The following WDR83 variants were observed in gnomAD, a reference collection of about 807,000 sequenced individuals.
The protein encoded by WDR83 is WD repeat domain 83, also known as WD repeat domain-containing protein 83.
A neutral mutation model predicts 37.7 loss-of-function variants in WDR83; 37 were observed. That is an observed-to-expected ratio of 0.98 (90% CI 0.76 to 1.29). The LOEUF (loss-of-function observed/expected upper bound fraction) is 1.29, where lower values mean the gene tolerates loss of function less well. Among genes scored for constraint, WDR83 ranks in the 50% most tolerant of loss-of-function variants. The probability of loss-of-function intolerance (pLI) is 0.00; values close to 1 mark genes in which losing one functional copy is unlikely to be tolerated. For missense variants in WDR83, 445 were observed against 414.4 expected, an observed-to-expected ratio of 1.07 and a Z score of -0.64; for synonymous variants, 174 against 181.1, an observed-to-expected ratio of 0.96 and a Z score of 0.31.
At position 12,671,156 on chromosome 19, in the gene WDR83, C is replaced by T. The variant is rs561018601; in HGVS notation, c.506+335C>T. The T allele has an allele frequency of 6.1e-5, 14 of 228,284 alleles. No homozygotes were observed. In the East Asian group the frequency reaches 1.4e-3, roughly 23 times the overall value. 14.1% of individuals were successfully genotyped at this position (228,284 alleles called of 1,614,324 possible). On this transcript the variant is annotated intron_variant, in intron 7 of 10. Coordinates refer to ENST00000418543, the MANE Select transcript of WDR83 (RefSeq NM_001099737.3). ...CAGCCTGGCCAACATGGTGAAACCCCGTCTCTACTAAAAATGCAAAAATTA... is the reference window on the plus strand; with the variant it reads ...CAGCCTGGCCAACATGGTGAAACCCTGTCTCTACTAAAAATGCAAAAATTA...
chr19:12,675,473 C>T, intron 10 of WDR83, 50 bp from the exon 11 acceptor site: 3 of 1,578,686 alleles, frequency 1.9e-6, no homozygotes, highest in Admixed American at 1.7e-5. Flanking sequence ...CCTCAGAAAC[C>T]AGGGTACAGC....
intron 7 of WDR83, among the ~76,000 whole-genome samples, chr19:12,672,038 C>A (rs2024436555): frequency 6.6e-6 from 1 of 152,016 alleles, no homozygotes; most frequent in Non-Finnish European, 1.5e-5. Context: ...GTGAAGAGAT[C>A]GTCATAAAGA....
intron 1 of WDR83, 30 bp downstream of exon 1, chr19:12,667,022 G>T (rs1384441026): frequency 4.5e-6 from 2 of 440,078 alleles, no homozygotes; most frequent in Admixed American, 7.9e-5. Context: ...TCCTAAGGGG[G>T]CCGGGTTTTC....
chr19:12,673,408 ATCTTTTT>A, intron 10 of WDR83, 92 bp downstream of exon 10: 2 of 266,036 alleles, frequency 7.5e-6, no homozygotes. Context: ...GAAGGCTAGG[ATCTTTTT>A]TTTTTTTTTT....
intron 7 of WDR83, chr19:12,671,334 A>C (rs990000777): frequency 6.5e-6 from 1 of 153,886 alleles, no homozygotes; most frequent in East Asian, 1.9e-4. Flanking sequence ...TCTCAAAAAA[A>C]AAAAGATAAA....
At chr19:12,674,683 C>T (rs2024517872) in intron 10 of WDR83, among the ~76,000 whole-genome samples, 1 of 152,058 alleles carries the variant, frequency 6.6e-6, no homozygotes, top group South Asian at 2.1e-4. Flanking sequence ...CAGGATGGAG[C>T]CCAGCTGGTG....
At chr19:12,673,816 C>T (rs909808204) in intron 10 of WDR83, among the ~76,000 whole-genome samples, 13 of 152,156 alleles carry the variant, frequency 8.5e-5, no homozygotes, top group Admixed American at 5.2e-4. Context: ...TCTCATGTCT[C>T]AGCCTCCTGA....
At chr19:12,669,407 G>C (rs756200145) in intron 2 of WDR83, 5 of 1,594,020 alleles carry the variant, frequency 3.1e-6, no homozygotes, top group Admixed American at 1.8e-5. Context: ...TGGACATAGC[G>C]AGTCGAAGGC....
intron 7 of WDR83, 180 bp downstream of exon 7, chr19:12,671,001 C>G: frequency 1.1e-6 from 1 of 875,186 alleles, no homozygotes; most frequent in South Asian, 1.7e-5. Context: ...CCATTGCACT[C>G]CATGCTGGGT....
Position 12,673,401 on chromosome 19 carries a change from G to A in WDR83, c.798+85G>A. The A allele has an allele frequency of 6.9e-6, 4 of 577,856 alleles. No homozygotes were observed. In the South Asian group the frequency reaches 7.6e-5, roughly 11 times the overall value. 35.8% of individuals were successfully genotyped at this position (577,856 alleles called of 1,614,324 possible). ...TACCTCAGTCACTCCAGGGCCTGAA[G>A]GCTAGGATCTTTTTTTTTTTTTTTT... is the stretch of plus-strand genomic sequence containing the variant. On this transcript the variant is annotated intron_variant, in intron 10 of 10. Transcript: ENST00000418543.
chr19:12,674,943 A>G (rs1599375255), intron 10 of WDR83, among the ~76,000 whole-genome samples: 1 of 151,802 alleles, frequency 6.6e-6, no homozygotes, highest in East Asian at 1.9e-4. Flanking sequence ...GTGAAACCCC[A>G]TCTGTACTAA....
intron 7 of WDR83, chr19:12,672,618 G>T: frequency 1.8e-6 from 1 of 564,954 alleles, no homozygotes; most frequent in African/African-American, 1.9e-5. Flanking sequence ...CAAACAAAAG[G>T]AAGAAAAGGG....
At chr19:12,675,019 C>T (rs909713390) in intron 10 of WDR83, among the ~76,000 whole-genome samples, 1 of 151,996 alleles carries the variant, frequency 6.6e-6, no homozygotes, top group African/African-American at 2.4e-5. Flanking sequence ...GAGGCTGAGG[C>T]AGGAGAATCG....
At chr19:12,669,374 C>T in intron 2 of WDR83, 2 of 1,601,992 alleles carry the variant, frequency 1.2e-6, no homozygotes, top group Non-Finnish European at 8.5e-7. Flanking sequence ...TGTTCGGCCT[C>T]CGTGGGTCCG....
chr19:12,669,188 C>T, intron 2 of WDR83: 1 of 1,614,138 alleles, frequency 6.2e-7, no homozygotes, highest in Non-Finnish European at 8.5e-7. Flanking sequence ...AGTCCGGCGT[C>T]GGGTCGTCCA....
chr19:12,671,207 A>C (rs2024405544), intron 7 of WDR83: 1 of 187,450 alleles, frequency 5.3e-6, no homozygotes, highest in African/African-American at 2.3e-5. Flanking sequence ...GGGAGCCTGT[A>C]ATCCCAGCCA....
In WDR83 at chr19:12,670,560, C is replaced by G. The variant is rs766545860; in HGVS notation, c.331-3C>G. ...CTCCTCTGAGTGGCAATAACTTTCTCAGAAGGTGAACACGGTGCAGTTTAA... is the reference window on the plus strand; with the variant it reads ...CTCCTCTGAGTGGCAATAACTTTCTGAGAAGGTGAACACGGTGCAGTTTAA... On this transcript the variant is annotated splice_region_variant and splice_polypyrimidine_tract_variant and intron_variant, in intron 5 of 10. Transcript: ENST00000418543. The G allele has an allele frequency of 6.2e-7, 1 of 1,614,212 alleles. No homozygotes were observed. Among genetic ancestry groups the G allele is most frequent in the Non-Finnish European group, 8.5e-7 (1 of 1,180,040 alleles).
At position 12,670,047 on chromosome 19, in the gene WDR83, G is replaced by A. The variant is rs2024365225; in HGVS notation, c.174G>A (p.Thr58=). Residue 58 remains threonine, a synonymous_variant, in exon 4 of 11, where the codon ACG becomes ACA. Coordinates refer to ENST00000418543, the MANE Select transcript of WDR83 (RefSeq NM_001099737.3). The part of the protein sequence containing the change: ...TLKLWNPLRG[T]LLRTYSGHGY... ...AGCTGTGGAACCCGCTTCGGGGGAC[G>A]CTGCTGCGGACGTACAGCGGCCACG... The A allele has an allele frequency of 6.2e-7, 1 of 1,612,956 alleles. No homozygotes were observed. Among genetic ancestry groups the A allele is most frequent in the Non-Finnish European group, 8.5e-7 (1 of 1,179,218 alleles).
chr19:12,670,467 C>T lies in WDR83; in HGVS notation c.331-96C>T, dbSNP rs1016528765. 2.2e-5 allele frequency: 35 copies of T among 1,585,904 alleles called. No homozygotes were observed. In the Middle Eastern group the frequency reaches 1.0e-3, roughly 46 times the overall value. ...TTGCTGTTCCCCCAAAACCTTTCAC[C>T]TCCCCTTCGCCCTTGCTTTAACCGA... On this transcript the variant is annotated intron_variant, in intron 5 of 10. Transcript: ENST00000418543.
Sources: gnomAD v4.1 joint callset for allele counts (sites outside exome capture counted in the v4.1 genomes callset) on GRCh38, gnomAD v4.1.1 for gene constraint, MANE v1.5 for transcripts, NCBI Gene and HGNC (gene_info 2026-07-23, HGNC 2026-07-21) for gene names.